NEK9: variants seen among roughly 807,000 people sequenced by gnomAD.
NEK9 encodes NIMA related kinase 9, also known as serine/threonine-protein kinase Nek9.
In NEK9, 75 loss-of-function variants were observed where a neutral mutation model predicts 123.4. The ratio of observed to expected loss-of-function variants is 0.61; its 90% CI spans 0.50 to 0.74. The LOEUF (loss-of-function observed/expected upper bound fraction) is 0.74. NEK9 is among the 30% of genes least tolerant of loss of function. NEK9 has a pLI of 0.00. For missense variants in NEK9, 952 were observed against 1,214.4 expected, an observed-to-expected ratio of 0.78 and a Z score of 3.21; for synonymous variants, 438 against 458.7, an observed-to-expected ratio of 0.95 and a Z score of 0.58.
intron 21 of NEK9, 114 bp downstream of exon 21, chr14:75,086,904 C>CA (rs1016548792): frequency 5.1e-4 from 564 of 1,115,554 alleles, no homozygotes; most frequent in Non-Finnish European, 6.2e-4. Context: ...GACTCCGTCT[C>CA]AAAAAAAAAG....
intron 2 of NEK9, among the ~76,000 whole-genome samples, chr14:75,123,555 G>A (rs2139812439): frequency 6.6e-6 from 1 of 152,202 alleles, no homozygotes; most frequent in East Asian, 1.9e-4. Context: ...TATCTTACAA[G>A]CAAAATGATG....
intron 19 of NEK9, among the ~76,000 whole-genome samples, chr14:75,090,809 G>C (rs1894191877): frequency 1.3e-5 from 2 of 152,196 alleles, no homozygotes; most frequent in African/African-American, 4.8e-5. Context: ...CTAGGCTCAA[G>C]TGATCCTCCT....
Position 75,088,645 on chromosome 14 carries a change from T to G in NEK9, c.2443-4A>C. The G allele has an allele frequency of 6.2e-7, 1 of 1,611,800 alleles. No homozygotes were observed. The highest frequency in any genetic ancestry group is 8.5e-7 in the Non-Finnish European group (1 of 1,178,968). On this transcript the variant is annotated splice_region_variant and splice_polypyrimidine_tract_variant and intron_variant, in intron 19 of 21. Coordinates refer to ENST00000238616, the MANE Select transcript of NEK9 (RefSeq NM_033116.6). ...TAAATTCTGCATTTTCCAGCTCCTA[T>G]GTATATGAGAAAGAATCTCATTAGT...
chr14:75,122,595 C>T (rs1895373863), intron 2 of NEK9, among the ~76,000 whole-genome samples: 2 of 152,030 alleles, frequency 1.3e-5, no homozygotes. Context: ...ACCTCCAACT[C>T]CCTGGTTCAA....
chr14:75,110,023 A>G (rs1004782688), intron 9 of NEK9, 146 bp from the exon 10 acceptor site: 1 of 865,592 alleles, frequency 1.2e-6, no homozygotes, highest in Non-Finnish European at 1.7e-6. Context: ...AATGTGCTCT[A>G]TCACAGCAGA....
chr14:75,112,353 C>A (rs1319485434), intron 8 of NEK9, among the ~76,000 whole-genome samples: 1 of 152,154 alleles, frequency 6.6e-6, no homozygotes, highest in Non-Finnish European at 1.5e-5. Context: ...AGGTATGAAA[C>A]CTCCTAGAGG....
Position 75,103,964 on chromosome 14 carries a change from C to T in NEK9, c.1609G>A (p.Val537Ile). Residue 537 changes from valine to isoleucine, a missense_variant, in exon 14 of 22, where the codon GTT (valine) becomes ATT (isoleucine). Around this residue, in one of 4 missense-constraint regions of NEK9, gnomAD observed 698 missense variants for 875.6 expected, o/e 0.80. Transcript: ENST00000238616. ...DVPKALIIVA[V>I]QCGCDGTFLL... The stretch of plus-strand genomic sequence containing the variant: ...AATGTCCCATCACAGCCACATTGAA[C>T]TGCAACAATAATCAAGGCCTTGGGA... The T allele has an allele frequency of 6.2e-7, 1 of 1,614,046 alleles. No individual in the cohort carries two copies. The highest frequency in any genetic ancestry group is 8.5e-7 in the Non-Finnish European group (1 of 1,179,986).
At chr14:75,127,136 T>C (rs12890371), upstream of NEK9, 239,967 of 489,938 alleles carry the variant, frequency 0.49, 61,801 homozygotes, top group East Asian at 0.83. Context: ...TTGGCTAGTC[T>C]AGCGGCCAAG....
chr14:75,109,447 C>T (rs952024075), intron 10 of NEK9, among the ~76,000 whole-genome samples: 1 of 152,056 alleles, frequency 6.6e-6, no homozygotes, highest in African/African-American at 2.4e-5. Context: ...CAATTTTTCT[C>T]TCCCTCTCTC....
intron 13 of NEK9, among the ~76,000 whole-genome samples, chr14:75,105,519 C>A (rs992973409): frequency 6.6e-6 from 1 of 152,152 alleles, no homozygotes; most frequent in Non-Finnish European, 1.5e-5. Context: ...ATGTTTCATG[C>A]AACATGACCG....
intron 1 of NEK9, 83 bp from the exon 2 acceptor site, chr14:75,124,306 GA>G (rs1895444033): frequency 7.7e-7 from 1 of 1,306,856 alleles, no homozygotes; most frequent in Non-Finnish European, 1.1e-6. Flanking sequence ...AGCCTAGAAG[GA>G]AAACTTCCTA....
chr14:75,104,451 C>G (rs1894703244), intron 13 of NEK9, among the ~76,000 whole-genome samples: 1 of 150,866 alleles, frequency 6.6e-6, no homozygotes, highest in Non-Finnish European at 1.5e-5. Flanking sequence ...CAGGTGTGAG[C>G]CATCACGCCT....
At chr14:75,094,788 T>A (rs916661769) in intron 18 of NEK9, among the ~76,000 whole-genome samples, 9 of 151,910 alleles carry the variant, frequency 5.9e-5, no homozygotes, top group East Asian at 3.8e-4. Context: ...TCAAAAAAAA[T>A]AAATAAATAA....
At chr14:75,121,242 T>A (rs1895323785) in intron 2 of NEK9, 68 bp from the exon 3 acceptor site, 2 of 1,214,420 alleles carry the variant, frequency 1.6e-6, no homozygotes, top group South Asian at 1.3e-5. Context: ...TGTAACAGGT[T>A]TTTTTAGGTG....
chr14:75,102,513 G>GCT (rs1555352426), intron 14 of NEK9, among the ~76,000 whole-genome samples: 3 of 146,148 alleles, frequency 2.1e-5, no homozygotes, highest in African/African-American at 7.6e-5. Context: ...ACACCTGGCT[G>GCT]TTTTTTTTTT....
chr14:75,088,501 G>A lies in NEK9; in HGVS notation c.2583C>T (p.His861=), dbSNP rs748514521. ...LKVASEAPLE[H]KPQVEASSPR... ...TTACCGAGGCTTCTACTTGGGGTTT[G>A]TGTTCCAAAGGAGCTTCAGAGGCCA... The change falls in exon 20 of 22, where the codon CAC becomes CAT. Residue 861 remains histidine (H), a synonymous_variant. Transcript: ENST00000238616. 3.7e-6 allele frequency: 6 copies of A among 1,613,938 alleles called. No homozygotes were observed. The Admixed American group carries it at 6.7e-5, about 18-fold the overall frequency.
Position 75,103,930 on chromosome 14 carries a change from G to A in NEK9, c.1643C>T (p.Thr548Ile). 6.2e-7 allele frequency: 1 copy of A among 1,614,068 alleles called. No homozygotes were observed. Among genetic ancestry groups the A allele is most frequent in the East Asian group, 2.2e-5 (1 of 44,876 alleles). ...QCGCDGTFLLTQSGKVLACGL... is the reference protein window; with the variant it reads ...QCGCDGTFLLIQSGKVLACGL... ...ACAGGCCAGCACTTTGCCTGACTGGGTCAACAGAAATGTCCCATCACAGCC... is the reference window on the plus strand; with the variant it reads ...ACAGGCCAGCACTTTGCCTGACTGGATCAACAGAAATGTCCCATCACAGCC... Residue 548 changes from threonine to isoleucine, a missense_variant, in exon 14 of 22, where the codon ACC becomes ATC. Transcript: ENST00000238616.
At chr14:75,112,881 G>C (rs175465) in intron 8 of NEK9, among the ~76,000 whole-genome samples, 1 of 152,236 alleles carries the variant, frequency 6.6e-6, no homozygotes, top group African/African-American at 2.4e-5. Context: ...ACAATTGATA[G>C]GCACCCTATG....
intron 4 of NEK9, among the ~76,000 whole-genome samples, chr14:75,119,811 G>A (rs1242608514): frequency 6.6e-6 from 1 of 152,186 alleles, no homozygotes; most frequent in Non-Finnish European, 1.5e-5. Context: ...GGTTCACTAT[G>A]TCTTCCTTTA....
Sources: gnomAD v4.1 joint callset for allele counts (sites outside exome capture counted in the v4.1 genomes callset) on GRCh38, gnomAD v4.1.1 for gene constraint, gnomAD v4.1.1 regional missense constraint, MANE v1.5 for transcripts, NCBI Gene and HGNC (gene_info 2026-07-23, HGNC 2026-07-21) for gene names.